PAK1: variants seen among roughly 807,000 people sequenced by gnomAD.
PAK1 encodes the protein p21 (RAC1) activated kinase 1.
A neutral mutation model predicts 67.4 loss-of-function variants in PAK1; 29 were observed. The observed-to-expected ratio is 0.43, with a 90% CI of 0.32 to 0.59. The LOEUF (loss-of-function observed/expected upper bound fraction) is 0.59, where lower values mean the gene tolerates loss of function less well. PAK1 is among the 20% of genes least tolerant of loss of function. PAK1 has a pLI of 0.07. For missense variants in PAK1, 337 were observed against 670.7 expected (o/e 0.50, Z 5.50); for synonymous variants, 223 against 237.4 (o/e 0.94, Z 0.56).
chr11:77,478,178 C>A (rs1404997756), upstream of PAK1, among the ~76,000 whole-genome samples: 2 of 152,126 alleles, frequency 1.3e-5, no homozygotes, highest in African/African-American at 2.4e-5. Flanking sequence ...AAACAGAGTC[C>A]AAACTACACT....
chr11:77,322,195 C>A lies in PAK1; in HGVS notation c.*1079G>T. On this transcript the variant is annotated 3_prime_UTR_variant, in exon 15 of 15. Transcript: ENST00000356341. ...AAATAGCAGGAGGTAGCAAACATCCCCAACACCCAGTGTAAGCATTTCCAT... is the reference window on the plus strand; with the variant it reads ...AAATAGCAGGAGGTAGCAAACATCCACAACACCCAGTGTAAGCATTTCCAT... 1 of 204,638 alleles carries A rather than the reference C, an allele frequency of 4.9e-6. No homozygotes were observed. Among genetic ancestry groups the A allele is most frequent in the Non-Finnish European group, 1.0e-5 (1 of 99,358 alleles). 12.7% of individuals were successfully genotyped at this position (204,638 alleles called of 1,614,324 possible). A position where few individuals can be genotyped will look rare whatever the true frequency, so the allele number is the denominator to read the frequency against.
At chr11:77,514,293 A>G in the PAK1 span, among the ~76,000 whole-genome samples, 1 of 152,202 alleles carries the variant, frequency 6.6e-6, no homozygotes. Flanking sequence ...CAGGAGTTCA[A>G]GACCAGCCTG....
At chr11:77,469,577 A>G (rs1204087270) in intron 1 of PAK1, among the ~76,000 whole-genome samples, 2 of 152,194 alleles carry the variant, frequency 1.3e-5, no homozygotes, top group Non-Finnish European at 2.9e-5. Flanking sequence ...CTACAAGGTC[A>G]TGCAGTAACA....
intron 10 of PAK1, among the ~76,000 whole-genome samples, chr11:77,342,163 C>T (rs1943706819): frequency 6.6e-6 from 1 of 152,104 alleles, no homozygotes; most frequent in African/African-American, 2.4e-5. Context: ...AACCACAGAC[C>T]CTCATTTGCA....
At chr11:77,406,843 C>T (rs973472850) in intron 1 of PAK1, among the ~76,000 whole-genome samples, 1 of 152,058 alleles carries the variant, frequency 6.6e-6, no homozygotes, top group South Asian at 2.1e-4. Context: ...CTGTCCCTGC[C>T]CTCAAAAATC....
At position 77,471,428 on chromosome 11, in the gene PAK1, G is replaced by C. The variant is rs143755793; in HGVS notation, c.-22+2124C>G. ...GTAATTGCAACAGAGCGCTACAGAA[G>C]GCCATAAAAGTGGTATGTACATGAG... On this transcript the variant is annotated intron_variant, in intron 1 of 14. Transcript: ENST00000356341. Among the ~76,000 whole-genome samples, 311 of 152,272 alleles carry C rather than the reference G, an allele frequency of 2.0e-3. 3 individuals are homozygous for C. The highest frequency in any genetic ancestry group is 7.1e-3 in the African/African-American group (297 of 41,546).
chr11:77,349,308 G>A, intron 8 of PAK1, 21 bp from the exon 9 acceptor site: 1 of 1,582,636 alleles, frequency 6.3e-7, no homozygotes, highest in Non-Finnish European at 8.6e-7. Flanking sequence ...AGGTGGCGGA[G>A]AAAGAGGGAA....
intron 1 of PAK1, among the ~76,000 whole-genome samples, chr11:77,424,136 C>T (rs910118667): frequency 2.6e-5 from 4 of 152,196 alleles, no homozygotes; most frequent in Admixed American, 6.5e-5. Context: ...TGGGTACCAC[C>T]GTCACTTCTG....
chr11:77,457,018 G>C (rs1014408486), intron 1 of PAK1, among the ~76,000 whole-genome samples: 1 of 152,158 alleles, frequency 6.6e-6, no homozygotes, highest in Non-Finnish European at 1.5e-5. Flanking sequence ...TGGGATTACA[G>C]GCATGAACTG....
At chr11:77,461,421 T>C (rs1957338272) in intron 1 of PAK1, among the ~76,000 whole-genome samples, 1 of 152,208 alleles carries the variant, frequency 6.6e-6, no homozygotes, top group African/African-American at 2.4e-5. Flanking sequence ...CTTCATCTAA[T>C]CAGTTGAAAG....
At chr11:77,423,332 TAA>T (rs142590494) in intron 1 of PAK1, among the ~76,000 whole-genome samples, 2,560 of 134,376 alleles carry the variant, frequency 0.019, 74 homozygotes, top group African/African-American at 0.064. Context: ...CCAAGTTCTT[TAA>T]AAAAAAAAAA....
At chr11:77,331,214 G>T (rs1429737998) in intron 14 of PAK1, among the ~76,000 whole-genome samples, 1 of 152,184 alleles carries the variant, frequency 6.6e-6, no homozygotes, top group Non-Finnish European at 1.5e-5. Context: ...AACCATTGTG[G>T]AAGTCAGTGT....
intron 1 of PAK1, among the ~76,000 whole-genome samples, chr11:77,412,254 A>C (rs1954648748): frequency 1.3e-5 from 2 of 152,078 alleles, no homozygotes; most frequent in African/African-American, 4.8e-5. Context: ...AGTATAGAGG[A>C]GTCCCTTCTA....
At chr11:77,454,657 A>G (rs576601644) in intron 1 of PAK1, among the ~76,000 whole-genome samples, 2 of 152,324 alleles carry the variant, frequency 1.3e-5, no homozygotes, top group African/African-American at 2.4e-5. Flanking sequence ...TTTTTGATTC[A>G]TAAGTCTGAG....
chr11:77,497,085 C>G, the PAK1 span, among the ~76,000 whole-genome samples: 1 of 152,178 alleles, frequency 6.6e-6, no homozygotes, highest in East Asian at 1.9e-4. Context: ...TGGAGCTTAT[C>G]TAGCCTGAAT....
chr11:77,470,707 CAGG>C (rs1455576685), intron 1 of PAK1, among the ~76,000 whole-genome samples: 2 of 152,200 alleles, frequency 1.3e-5, no homozygotes, highest in African/African-American at 4.8e-5. Flanking sequence ...ACAAAAACCA[CAGG>C]AGACCAGGAA....
At chr11:77,348,602 C>CT in intron 9 of PAK1, among the ~76,000 whole-genome samples, 1 of 152,292 alleles carries the variant, frequency 6.6e-6, no homozygotes, top group Admixed American at 6.5e-5. Flanking sequence ...AAGCAACTAT[C>CT]CACTTGGCAA....
intron 1 of PAK1, among the ~76,000 whole-genome samples, chr11:77,454,066 AAAAT>A (rs886175875): frequency 5.1e-4 from 78 of 152,348 alleles, no homozygotes; most frequent in Middle Eastern, 3.4e-3. Context: ...CTTGTCTTGA[AAAAT>A]AAATAAACAA....
chr11:77,497,448 T>C, the PAK1 span, among the ~76,000 whole-genome samples: 88,235 of 152,106 alleles, frequency 0.58, 27,377 homozygotes, highest in African/African-American at 0.79. Flanking sequence ...AGAAGGAAAG[T>C]GACTCACTTA....
Sources: gnomAD v4.1 joint callset for allele counts (sites outside exome capture counted in the v4.1 genomes callset) on GRCh38, gnomAD v4.1.1 for gene constraint, MANE v1.5 for transcripts, NCBI Gene and HGNC (gene_info 2026-07-23, HGNC 2026-07-21) for gene names.